The following DNAJC1 variants were observed in gnomAD, a reference collection of about 807,000 sequenced individuals.
DNAJC1 encodes the protein DnaJ heat shock protein family (Hsp40) member C1, also known as dnaJ homolog subfamily C member 1.
In DNAJC1, 58 loss-of-function variants were observed where a neutral mutation model predicts 76.6. The ratio of observed to expected loss-of-function variants is 0.76; its 90% CI spans 0.61 to 0.94. DNAJC1 has a LOEUF of 0.94. Among genes scored for constraint, DNAJC1 ranks in the 40% least tolerant of loss-of-function variants. The pLI is 0.00. For synonymous variants in DNAJC1, 258 were observed against 267.9 expected (o/e 0.96, Z 0.36); for missense variants, 689 against 677.3 (o/e 1.02, Z -0.19).
In DNAJC1 at chr10:21,919,815, T is replaced by C; in HGVS notation, c.635+17A>G. The C allele has an allele frequency of 2.6e-6, 4 of 1,557,576 alleles. No individual in the cohort carries two copies. The highest frequency in any genetic ancestry group is 3.5e-6 in the Non-Finnish European group (4 of 1,142,244). ...TAAAACAGCTTCAAATTATAAAGTA[T>C]TTTTATATGCTCTCACCTTTCATTT... On this transcript the variant is annotated intron_variant, in intron 5 of 11. Coordinates refer to ENST00000376980, the MANE Select transcript of DNAJC1 (RefSeq NM_022365.4).
rs1241747948 is a variant in DNAJC1, at chr10:21,908,159, TA to T, written c.730-3548del. The stretch of plus-strand genomic sequence containing the variant: ...ATAAAAATATATAATATATAATATA[TA>T]AAAATATATAATATATAATATATAA... On this transcript the variant is annotated intron_variant, in intron 6 of 11. Coordinates refer to ENST00000376980, the MANE Select transcript of DNAJC1 (RefSeq NM_022365.4). Among the ~76,000 whole-genome samples, 519 of 107,626 alleles carry T rather than the reference TA, an allele frequency of 4.8e-3. 7 individuals carry two copies. The highest frequency in any genetic ancestry group is 0.019 in the African/African-American group (489 of 26,012). The allele number at this position is 107,626 out of a possible 152,430, so 70.6% of individuals were successfully genotyped here.
In DNAJC1 at chr10:21,963,838, T is replaced by G. The variant is rs545704954; in HGVS notation, c.223-34697A>C. ...CTACCTATTTATTTTATCAGGGTCT[T>G]TTTGCTTTTTTGTTTCTATTTCTTT... On this transcript the variant is annotated intron_variant, in intron 1 of 11. Transcript: ENST00000376980. Among the ~76,000 whole-genome samples, 36 of 152,346 alleles carry G rather than the reference T, an allele frequency of 2.4e-4. 1 individual carries two copies. The South Asian group carries it at 3.9e-3, about 17-fold the overall frequency.
chr10:21,832,885 ATCATT>A (rs2131670023), intron 8 of DNAJC1, among the ~76,000 whole-genome samples: 1 of 152,348 alleles, frequency 6.6e-6, no homozygotes, highest in African/African-American at 2.4e-5. Flanking sequence ...TTTTCTCTTT[ATCATT>A]TCAAGAATCC....
At chr10:21,898,355 T>C (rs760069935) in intron 7 of DNAJC1, among the ~76,000 whole-genome samples, 48 of 152,196 alleles carry the variant, frequency 3.2e-4, no homozygotes, top group Non-Finnish European at 6.5e-4. Flanking sequence ...ACATATATGA[T>C]GGTGGCCCAT....
At chr10:21,823,476 G>T (rs571984991) in intron 8 of DNAJC1, among the ~76,000 whole-genome samples, 3 of 152,010 alleles carry the variant, frequency 2.0e-5, no homozygotes, top group Non-Finnish European at 4.4e-5. Flanking sequence ...CATTTAGTCC[G>T]ATTTTTCTAT....
At chr10:21,793,914 C>G (rs1038334968) in intron 9 of DNAJC1, among the ~76,000 whole-genome samples, 8 of 152,100 alleles carry the variant, frequency 5.3e-5, no homozygotes, top group Admixed American at 5.2e-4. Flanking sequence ...GGTCACACCA[C>G]TGCATTCCAA....
rs530600952 is a variant in DNAJC1, at chr10:21,899,603, G to A, written c.820+4919C>T. ...GACTTGCAAGACTGCTTCTTTAAGCGGGACCCCAATTCATTCTTCCTCACT... is the reference window on the plus strand; with the variant it reads ...GACTTGCAAGACTGCTTCTTTAAGCAGGACCCCAATTCATTCTTCCTCACT... On this transcript the variant is annotated intron_variant, in intron 7 of 11. Coordinates refer to ENST00000376980, the MANE Select transcript of DNAJC1 (RefSeq NM_022365.4). 2.2e-3 allele frequency among the ~76,000 whole-genome samples: 338 copies of A among 152,304 alleles called. 3 individuals are homozygous for A. The highest frequency in any genetic ancestry group is 7.7e-3 in the African/African-American group (321 of 41,574).
At chr10:21,904,732 T>G in intron 6 of DNAJC1, 120 bp from the exon 7 acceptor site, 1 of 528,258 alleles carries the variant, frequency 1.9e-6, no homozygotes, top group East Asian at 3.4e-5. Context: ...CTTTTTGTTT[T>G]CAAATTTTAT....
At chr10:21,936,343 G>C (rs576889635) in intron 1 of DNAJC1, among the ~76,000 whole-genome samples, 5 of 152,156 alleles carry the variant, frequency 3.3e-5, no homozygotes, top group Non-Finnish European at 7.4e-5. Context: ...CCAGCATAAA[G>C]TATTTTGTTA....
chr10:21,971,781 CTA>C (rs1837983207), intron 1 of DNAJC1, among the ~76,000 whole-genome samples: 2 of 151,760 alleles, frequency 1.3e-5, no homozygotes, highest in Admixed American at 1.3e-4. Flanking sequence ...TTAAAGATAA[CTA>C]AATCATTTTC....
chr10:21,914,500 T>C (rs1426788506), intron 6 of DNAJC1, among the ~76,000 whole-genome samples: 1 of 152,218 alleles, frequency 6.6e-6, no homozygotes, highest in African/African-American at 2.4e-5. Flanking sequence ...CTTTCACAGA[T>C]GTGTGTGTAA....
intron 8 of DNAJC1, among the ~76,000 whole-genome samples, chr10:21,857,654 T>C (rs1268597279): frequency 6.6e-6 from 1 of 152,048 alleles, no homozygotes; most frequent in African/African-American, 2.4e-5. Flanking sequence ...CCATCAGTAT[T>C]TATAAAAGGT....
intron 7 of DNAJC1, among the ~76,000 whole-genome samples, chr10:21,896,999 A>T (rs559705339): frequency 6.6e-6 from 1 of 152,290 alleles, no homozygotes; most frequent in East Asian, 1.9e-4. Context: ...CCATCTTGGA[A>T]GCAGACAGAA....
intron 8 of DNAJC1, among the ~76,000 whole-genome samples, chr10:21,821,093 C>T (rs891304568): frequency 2.0e-4 from 30 of 152,246 alleles, no homozygotes; most frequent in African/African-American, 7.2e-4. Context: ...TGTTCAGAAT[C>T]TTCTTGGTCT....
intron 1 of DNAJC1, among the ~76,000 whole-genome samples, chr10:21,997,443 T>G (rs1189826290): frequency 6.6e-6 from 1 of 152,222 alleles, no homozygotes; most frequent in African/African-American, 2.4e-5. Flanking sequence ...GATAATTGCC[T>G]TACTGGTCTG....
intron 9 of DNAJC1, among the ~76,000 whole-genome samples, chr10:21,790,201 G>T (rs1050889842): frequency 7.3e-5 from 11 of 150,536 alleles, no homozygotes; most frequent in African/African-American, 2.4e-4. Flanking sequence ...ACCATTAAGT[G>T]AACAAGTGTT....
chr10:21,914,420 C>G (rs1836919269), intron 6 of DNAJC1, among the ~76,000 whole-genome samples: 1 of 152,148 alleles, frequency 6.6e-6, no homozygotes, highest in Admixed American at 6.5e-5. Context: ...AGAACCACTT[C>G]ATTTATTTTC....
At chr10:21,964,600 T>C (rs1161532389) in intron 1 of DNAJC1, among the ~76,000 whole-genome samples, 1 of 152,120 alleles carries the variant, frequency 6.6e-6, no homozygotes, top group Non-Finnish European at 1.5e-5. Context: ...CTATATATTA[T>C]TATATTTATT....
At chr10:21,765,208 T>C (rs1029584377) in intron 10 of DNAJC1, among the ~76,000 whole-genome samples, 3 of 152,136 alleles carry the variant, frequency 2.0e-5, no homozygotes, top group African/African-American at 7.2e-5. Context: ...GAACTCCAAG[T>C]TGAATTCTTT....
Sources: gnomAD v4.1 joint callset for allele counts (sites outside exome capture counted in the v4.1 genomes callset) on GRCh38, gnomAD v4.1.1 for gene constraint, MANE v1.5 for transcripts, NCBI Gene and HGNC (gene_info 2026-07-23, HGNC 2026-07-21) for gene names.